ADTRP: variants seen among roughly 807,000 people sequenced by gnomAD.
ADTRP encodes androgen dependent TFPI regulating protein.
ADTRP carries 20 observed loss-of-function variants against 27.0 expected under a neutral mutation model. The ratio of observed to expected loss-of-function variants is 0.74; its 90% CI spans 0.52 to 1.08. The LOEUF is 1.08. Ranked by LOEUF, ADTRP falls within the 50% of genes least tolerant of loss-of-function variation. The pLI is 0.00. For synonymous variants in ADTRP, 101 were observed against 105.2 expected (o/e 0.96, Z 0.25); for missense variants, 251 against 275.0 (o/e 0.91, Z 0.62).
chr6:11,732,277 GC>G (rs1197762683), intron 4 of ADTRP, among the ~76,000 whole-genome samples: 4 of 152,180 alleles, frequency 2.6e-5, no homozygotes, highest in Non-Finnish European at 4.4e-5. Flanking sequence ...CAGCTTCAGT[GC>G]CGTTTTCCTG....
At chr6:11,719,513 C>G (rs1369118708) in intron 5 of ADTRP, among the ~76,000 whole-genome samples, 1 of 152,198 alleles carries the variant, frequency 6.6e-6, no homozygotes, top group East Asian at 1.9e-4. Context: ...ATTTTTTAAA[C>G]TTCCCTAGTG....
chr6:11,714,979 T>C (rs917445463), intron 5 of ADTRP, among the ~76,000 whole-genome samples: 4 of 152,206 alleles, frequency 2.6e-5, no homozygotes, highest in African/African-American at 9.6e-5. Flanking sequence ...GGAAAAGTAC[T>C]GGCATATGGA....
intron 5 of ADTRP, 104 bp from the exon 6 acceptor site, chr6:11,714,616 G>A (rs1219163360): frequency 4.6e-6 from 6 of 1,315,914 alleles, no homozygotes; most frequent in Non-Finnish European, 6.3e-6. Context: ...GTGGAAAGTT[G>A]AACACACTTT....
chr6:11,744,643 C>T (rs886790196), intron 3 of ADTRP, among the ~76,000 whole-genome samples: 1 of 152,192 alleles, frequency 6.6e-6, no homozygotes, highest in African/African-American at 2.4e-5. Flanking sequence ...TGCCCCTCCT[C>T]TTCATCAATC....
At chr6:11,720,139 A>G (rs1022667021) in intron 5 of ADTRP, among the ~76,000 whole-genome samples, 2 of 152,180 alleles carry the variant, frequency 1.3e-5, no homozygotes, top group Non-Finnish European at 2.9e-5. Flanking sequence ...TAAAGCATTC[A>G]TTTGAATTTC....
intron 4 of ADTRP, 84 bp from the exon 5 acceptor site, chr6:11,723,584 AC>A: frequency 1.3e-6 from 2 of 1,510,716 alleles, no homozygotes; most frequent in Non-Finnish European, 9.0e-7. Context: ...AGGTACTGGT[AC>A]CCAGGCAGGG....
chr6:11,757,426 C>T (rs1763249093), intron 3 of ADTRP, among the ~76,000 whole-genome samples: 1 of 152,204 alleles, frequency 6.6e-6, no homozygotes, highest in Non-Finnish European at 1.5e-5. Context: ...GACCCCACGT[C>T]TGTTTCTCCT....
chr6:11,725,978 C>A (rs1762182794), intron 4 of ADTRP, among the ~76,000 whole-genome samples: 2 of 149,836 alleles, frequency 1.3e-5, no homozygotes, highest in Admixed American at 6.7e-5. Context: ...GCATTATTCA[C>A]AATAGCCTGA....
intron 3 of ADTRP, among the ~76,000 whole-genome samples, chr6:11,736,899 G>A (rs987887830): frequency 5.9e-5 from 9 of 152,100 alleles, no homozygotes; most frequent in Non-Finnish European, 1.0e-4. Context: ...TGGGGTATGC[G>A]TGAGCCTCCC....
chr6:11,750,949 T>G (rs924788056), intron 3 of ADTRP, among the ~76,000 whole-genome samples: 8 of 152,210 alleles, frequency 5.3e-5, no homozygotes, highest in African/African-American at 1.4e-4. Flanking sequence ...CCTCCCAGGC[T>G]CAAACGATTC....
intron 3 of ADTRP, among the ~76,000 whole-genome samples, chr6:11,741,756 A>G (rs1168339707): frequency 1.3e-5 from 2 of 151,574 alleles, no homozygotes; most frequent in African/African-American, 4.8e-5. Context: ...GGACCCTACA[A>G]TCAGGAATCA....
At chr6:11,752,726 C>A (rs1763096834) in intron 3 of ADTRP, among the ~76,000 whole-genome samples, 1 of 152,164 alleles carries the variant, frequency 6.6e-6, no homozygotes, top group Non-Finnish European at 1.5e-5. Context: ...TTTGAAACTA[C>A]CCACTAGGGA....
rs574747821 is a variant in ADTRP, at chr6:11,742,360, A to G, written c.391-6677T>C. On this transcript the variant is annotated intron_variant, in intron 3 of 5. Transcript: ENST00000414691. Reference sequence around the variant, plus strand: ...TTTTCTCTCCCAATTAGCCCCATACATCTTTGAGACACCTTACTAAAAAAG... The same window carrying G: ...TTTTCTCTCCCAATTAGCCCCATACGTCTTTGAGACACCTTACTAAAAAAG... Among the ~76,000 whole-genome samples the G allele has an allele frequency of 3.3e-5, 5 of 152,196 alleles. No homozygotes were observed. The East Asian group carries it at 9.7e-4, about 29-fold the overall frequency.
At chr6:11,728,975 G>A (rs1024787183) in intron 4 of ADTRP, among the ~76,000 whole-genome samples, 1 of 152,188 alleles carries the variant, frequency 6.6e-6, no homozygotes, top group African/African-American at 2.4e-5. Flanking sequence ...TGAGCCATCT[G>A]CTACGTGAAC....
Position 11,778,720 on chromosome 6 carries a change from G to C in ADTRP, c.40C>G (p.Leu14Val). ...TSTCIYHFLV[L>V]SWYTFLNYYI... ...TAATTGAGGAAAGTATACCAGCTCA[G>C]AACAAGGAAGTGGTATATGCATGTA... The change falls in exon 1 of 6, where the codon CTG (leucine) becomes GTG (valine). Residue 14 changes from leucine (L) to valine (V), a missense_variant. Coordinates refer to ENST00000414691, the MANE Select transcript of ADTRP (RefSeq NM_032744.4). 6.2e-7 allele frequency: 1 copy of C among 1,614,210 alleles called. No homozygotes were observed. The highest frequency in any genetic ancestry group is 1.7e-5 in the Admixed American group (1 of 60,028).
At chr6:11,715,806 C>CTTTTT (rs55961408) in intron 5 of ADTRP, among the ~76,000 whole-genome samples, 10 of 77,728 alleles carry the variant, frequency 1.3e-4, no homozygotes, top group Non-Finnish European at 1.8e-4. Flanking sequence ...CCATGCCCAG[C>CTTTTT]TTTTTTTTTT....
In ADTRP at chr6:11,714,303, A is replaced by G. The variant is rs1448788759; in HGVS notation, c.*175T>C. 2.9e-6 allele frequency: 2 copies of G among 682,776 alleles called. No homozygotes were observed. Among genetic ancestry groups the G allele is most frequent in the East Asian group, 2.9e-5 (1 of 34,318 alleles). 42.3% of individuals were successfully genotyped at this position (682,776 alleles called of 1,614,324 possible). A position where few individuals can be genotyped will look rare whatever the true frequency, so the allele number is the denominator to read the frequency against. Reference sequence around the variant, plus strand: ...GTGCAGTCAACCTTTCAAAAAACCAAGAGTTCTCAAGTTAAGCTACCTTCA... The same window carrying G: ...GTGCAGTCAACCTTTCAAAAAACCAGGAGTTCTCAAGTTAAGCTACCTTCA... On this transcript the variant is annotated 3_prime_UTR_variant, in exon 6 of 6. Coordinates refer to ENST00000414691, the MANE Select transcript of ADTRP (RefSeq NM_032744.4).
At chr6:11,726,250 A>G (rs1264883406) in intron 4 of ADTRP, among the ~76,000 whole-genome samples, 1 of 152,144 alleles carries the variant, frequency 6.6e-6, no homozygotes, top group Non-Finnish European at 1.5e-5. Context: ...GCAGCGGGGA[A>G]TGCTATCTAT....
chr6:11,737,527 C>T (rs540096851), intron 3 of ADTRP, among the ~76,000 whole-genome samples: 15 of 152,312 alleles, frequency 9.8e-5, no homozygotes, highest in East Asian at 1.9e-4. Context: ...TCCTCCCATC[C>T]GAGCTGATCT....
Sources: gnomAD v4.1 joint callset for allele counts (sites outside exome capture counted in the v4.1 genomes callset) on GRCh38, gnomAD v4.1.1 for gene constraint, MANE v1.5 for transcripts, NCBI Gene and HGNC (gene_info 2026-07-23, HGNC 2026-07-21) for gene names.